Variants in GNB5 observed in about 807,000 individuals in gnomAD.
GNB5 encodes G protein subunit beta 5, also known as guanine nucleotide-binding protein subunit beta-5.
GNB5 carries 37 observed loss-of-function variants against 55.3 expected under a neutral mutation model. The ratio of observed to expected loss-of-function variants is 0.67; its 90% confidence interval spans 0.51 to 0.88. The LOEUF is 0.88. GNB5 is among the 40% of genes least tolerant of loss of function. GNB5 has a pLI of 0.00. For synonymous variants in GNB5, 219 were observed against 198.5 expected, an observed-to-expected ratio of 1.10 and a Z score of -0.87; for missense variants, 476 against 515.3, an observed-to-expected ratio of 0.92 and a Z score of 0.74.
At chr15:52,126,707 G>C (rs2033440359) in intron 10 of GNB5, among the ~76,000 whole-genome samples, 1 of 151,516 alleles carries the variant, frequency 6.6e-6, no homozygotes, top group Non-Finnish European at 1.5e-5. Flanking sequence ...GGTTTCCTTA[G>C]ACTAGGTTTC....
chr15:52,154,408 G>A (rs2034165530), intron 3 of GNB5, among the ~76,000 whole-genome samples: 1 of 152,138 alleles, frequency 6.6e-6, no homozygotes. Flanking sequence ...CCCTTTAAGG[G>A]CCACAGCTCT....
intron 7 of GNB5, chr15:52,137,134 GAA>G: frequency 1.4e-6 from 1 of 695,726 alleles, no homozygotes. Flanking sequence ...TCCATTTTCA[GAA>G]CCTACTAAGA....
rs1028400729 is a variant in GNB5, at chr15:52,115,254, T to C, written c.*7503A>G. On this transcript the variant is annotated 3_prime_UTR_variant, in exon 13 of 13. Transcript: ENST00000261837. ...GGAACTGCCATTGGTAACTCAACAA[T>C]GATGAAAAGAACTAAACAACAAATG... The C allele has an allele frequency of 1.3e-5, 2 of 152,186 alleles. No individual in the cohort carries two copies. The highest frequency in any genetic ancestry group is 4.8e-5 in the African/African-American group (2 of 41,444). 9.4% of individuals were successfully genotyped at this position (152,186 alleles called of 1,614,324 possible).
At chr15:52,126,091 G>A (rs1434867002) in intron 10 of GNB5, 47 bp from the exon 11 acceptor site, 7 of 916,764 alleles carry the variant, frequency 7.6e-6, no homozygotes, top group Non-Finnish European at 1.2e-5. Flanking sequence ...GCTTCAGTTT[G>A]GTGACGTGAT....
chr15:52,144,139 G>C (rs899713897), intron 6 of GNB5: 34 of 152,260 alleles, frequency 2.2e-4, no homozygotes, highest in African/African-American at 7.0e-4. Flanking sequence ...TATCTATCCG[G>C]GCCTGGTAAG....
rs1300345855 is a variant in GNB5 at position 52,118,611 on chromosome 15, G to C, written c.*4146C>G. Reference sequence around the variant, plus strand: ...AGGCTGGGCACGGTGGCTTACACCTGTAATCCCAGCACTTTGGGAGGCCAA... The same window carrying C: ...AGGCTGGGCACGGTGGCTTACACCTCTAATCCCAGCACTTTGGGAGGCCAA... On this transcript the variant is annotated 3_prime_UTR_variant, in exon 13 of 13. Transcript: ENST00000261837. 2 of 152,164 alleles carry C rather than the reference G, an allele frequency of 1.3e-5. No individual in the cohort carries two copies. The highest frequency in any genetic ancestry group is 2.9e-5 in the Non-Finnish European group (2 of 68,094). 9.4% of individuals were successfully genotyped at this position (152,164 alleles called of 1,614,324 possible).
At chr15:52,140,891 A>G (rs2141200536) in intron 7 of GNB5, among the ~76,000 whole-genome samples, 1 of 152,318 alleles carries the variant, frequency 6.6e-6, no homozygotes, top group South Asian at 2.1e-4. Flanking sequence ...ACCCTCGCCA[A>G]GTCAATCAGA....
At chr15:52,137,332 A>G in intron 7 of GNB5, 1 of 1,063,740 alleles carries the variant, frequency 9.4e-7, no homozygotes, top group South Asian at 2.9e-5. Flanking sequence ...CAGTGTGGTG[A>G]TATCTGAGTT....
chr15:52,176,921 A>G (rs1259453007), intron 3 of GNB5, among the ~76,000 whole-genome samples: 1 of 150,686 alleles, frequency 6.6e-6, no homozygotes, highest in Non-Finnish European at 1.5e-5. Flanking sequence ...CTGCAGCTGG[A>G]CTCTGCCCTG....
intron 3 of GNB5, among the ~76,000 whole-genome samples, chr15:52,156,068 T>G (rs143348833): frequency 2.3e-4 from 35 of 152,362 alleles, no homozygotes; most frequent in Middle Eastern, 3.4e-3. Flanking sequence ...GTCAGCTTTC[T>G]AAGGAGGAGT....
chr15:52,120,182 TCAC>T lies in GNB5; in HGVS notation c.*2572_*2574del, dbSNP rs760403632. 1.6e-4 allele frequency: 25 copies of T among 152,356 alleles called. No homozygotes were observed. In the East Asian group the frequency reaches 4.2e-3, roughly 26 times the overall value. The allele number at this position is 152,356 out of a possible 1,614,324, so 9.4% of individuals were successfully genotyped here. On this transcript the variant is annotated 3_prime_UTR_variant, in exon 13 of 13. Transcript: ENST00000261837. ...CTGGGGGCCCATCTGTTTGGCCCCT[TCAC>T]CACAATTGGTTTGGTAGGTTTATCC...
At chr15:52,131,481 G>A (rs1205570427) in intron 9 of GNB5, among the ~76,000 whole-genome samples, 1 of 152,160 alleles carries the variant, frequency 6.6e-6, no homozygotes, top group Non-Finnish European at 1.5e-5. Flanking sequence ...TCTGGTATCT[G>A]AGGGAGGTCC....
chr15:52,137,857 G>A, intron 7 of GNB5: 18 of 1,286,612 alleles, frequency 1.4e-5, no homozygotes, highest in Non-Finnish European at 1.7e-5. Flanking sequence ...GCTCCACAGG[G>A]CCTGGGTGAG....
In GNB5 at chr15:52,135,893, A is replaced by C. The variant is rs573820287; in HGVS notation, c.628-137T>G. 983 of 672,104 alleles carry C rather than the reference A, an allele frequency of 1.5e-3. 7 individuals carry two copies. Among genetic ancestry groups the C allele is most frequent in the Admixed American group, 0.012 (392 of 32,696 alleles). The allele number at this position is 672,104 out of a possible 1,614,324, so 41.6% of individuals were successfully genotyped here. ...CACACACACACACACACACACACAC[A>C]CCCTACCTGCTGTATCTGGGTTCAT... On this transcript the variant is annotated intron_variant, in intron 7 of 12. Transcript: ENST00000261837.
chr15:52,133,153 C>T (rs957043741), intron 9 of GNB5, among the ~76,000 whole-genome samples: 3 of 152,026 alleles, frequency 2.0e-5, no homozygotes. Flanking sequence ...ATGAAAAATG[C>T]TGATTCAACT....
intron 6 of GNB5, among the ~76,000 whole-genome samples, chr15:52,145,549 G>A (rs1042335125): frequency 2.6e-5 from 4 of 152,026 alleles, no homozygotes; most frequent in Admixed American, 1.3e-4. Flanking sequence ...GGAGGCTGAG[G>A]CAGAAGAATT....
chr15:52,173,128 G>C (rs759340589), intron 3 of GNB5, among the ~76,000 whole-genome samples: 2 of 152,190 alleles, frequency 1.3e-5, no homozygotes, highest in Non-Finnish European at 2.9e-5. Context: ...TCTAGTAAGG[G>C]AGACATAAAA....
chr15:52,147,413 C>T lies in GNB5; in HGVS notation c.494+46G>A, dbSNP rs1423884490. On this transcript the variant is annotated intron_variant, in intron 6 of 12. Coordinates refer to ENST00000261837, the MANE Select transcript of GNB5 (RefSeq NM_016194.4). Reference sequence around the variant, plus strand: ...TTGTTTTTGCCAAGAGAACAGTATTCTATGGTTAACACAAATTCTGAAAAG... The same window carrying T: ...TTGTTTTTGCCAAGAGAACAGTATTTTATGGTTAACACAAATTCTGAAAAG... The T allele has an allele frequency of 2.9e-6, 3 of 1,049,950 alleles. No individual in the cohort carries two copies. The South Asian group carries it at 3.8e-5, about 13-fold the overall frequency. 65.0% of individuals were successfully genotyped at this position (1,049,950 alleles called of 1,614,324 possible).
rs776642012 is a variant in GNB5, at chr15:52,115,103, G to A, written c.*7654C>T. On this transcript the variant is annotated 3_prime_UTR_variant, in exon 13 of 13. Transcript: ENST00000261837. Reference sequence around the variant, plus strand: ...TATTAATCAGTGAGTTAAAAGCTTGGATACATGTTCATGTTTTATTTGCAA... The same window carrying A: ...TATTAATCAGTGAGTTAAAAGCTTGAATACATGTTCATGTTTTATTTGCAA... 2 of 152,158 alleles carry A rather than the reference G, an allele frequency of 1.3e-5. No homozygotes were observed. The highest frequency in any genetic ancestry group is 2.4e-5 in the African/African-American group (1 of 41,432). 9.4% of individuals were successfully genotyped at this position (152,158 alleles called of 1,614,324 possible).
Sources: gnomAD v4.1 joint callset for allele counts (sites outside exome capture counted in the v4.1 genomes callset) on GRCh38, gnomAD v4.1.1 for gene constraint, MANE v1.5 for transcripts, NCBI Gene and HGNC (gene_info 2026-07-23, HGNC 2026-07-21) for gene names.